Variants in TM7SF2 observed in about 807,000 individuals in gnomAD.
TM7SF2 encodes delta(14)-sterol reductase TM7SF2.
A neutral mutation model predicts 51.0 loss-of-function variants in TM7SF2; 51 were observed. That is an observed-to-expected ratio of 1.00 (90% CI 0.80 to 1.26). The LOEUF (loss-of-function observed/expected upper bound fraction) is 1.26, where lower values mean the gene tolerates loss of function less well. TM7SF2 is among the 50% of genes most tolerant of loss of function. The pLI is 0.00. For synonymous variants in TM7SF2, 255 were observed against 241.0 expected (o/e 1.06, Z -0.54); for missense variants, 541 against 547.4 (o/e 0.99, Z 0.12).
At position 65,115,458 on chromosome 11, in the gene TM7SF2, C is replaced by T. The variant is rs562581292; in HGVS notation, c.974-18C>T. ...GCTGGGCTTCCTGGGAACTCTCCACCCTGCTGTCTTTCCCCAGGGCTTGAG... is the reference window on the plus strand; with the variant it reads ...GCTGGGCTTCCTGGGAACTCTCCACTCTGCTGTCTTTCCCCAGGGCTTGAG... On this transcript the variant is annotated intron_variant, in intron 8 of 9. Transcript: ENST00000279263. The T allele has an allele frequency of 1.9e-6, 3 of 1,614,018 alleles. No individual in the cohort carries two copies. The highest frequency in any genetic ancestry group is 2.7e-5 in the African/African-American group (2 of 74,918).
intron 4 of TM7SF2, 26 bp from the exon 5 acceptor site, chr11:65,113,465 T>C: frequency 1.9e-6 from 3 of 1,614,014 alleles, no homozygotes; most frequent in Non-Finnish European, 2.5e-6. Flanking sequence ...CGTCTGCCTG[T>C]ACATTCACTC....
chr11:65,114,687 A>G, intron 5 of TM7SF2, 26 bp from the exon 6 acceptor site: 2 of 1,610,708 alleles, frequency 1.2e-6, no homozygotes, highest in Non-Finnish European at 1.7e-6. Context: ...TTCTGTGGAG[A>G]CTATTGCCTT....
In TM7SF2 at chr11:65,114,750, A is replaced by G; in HGVS notation, c.641A>G (p.Glu214Gly). ...CTGGCCCTGTTGATGAAGGAGGCAGAGCTTCGAGGCAGTCCCTCACTGGCC... is the reference window on the plus strand; with the variant it reads ...CTGGCCCTGTTGATGAAGGAGGCAGGGCTTCGAGGCAGTCCCTCACTGGCC... The part of the protein sequence containing the change: ...INLALLMKEA[E>G]LRGSPSLAMW... The change falls in exon 6 of 10, where the codon GAG (glutamate) becomes GGG (glycine). Residue 214 changes from glutamate to glycine, a missense_variant. Transcript: ENST00000279263. 1 of 1,614,240 alleles carries G rather than the reference A, an allele frequency of 6.2e-7. No individual in the cohort carries two copies. The highest frequency in any genetic ancestry group is 8.5e-7 in the Non-Finnish European group (1 of 1,180,034).
At chr11:65,112,985 G>A (rs1020694158) in intron 3 of TM7SF2, 120 bp downstream of exon 3, 1 of 1,277,818 alleles carries the variant, frequency 7.8e-7, no homozygotes, top group South Asian at 1.4e-5. Context: ...CCTCTGTTAC[G>A]CCCAGGACAG....
chr11:65,112,190 A>T, intron 1 of TM7SF2, 123 bp downstream of exon 1: 1 of 1,023,380 alleles, frequency 9.8e-7, no homozygotes, highest in Non-Finnish European at 1.4e-6. Context: ...AGGCAGAGGG[A>T]CCCGGGGGTT....
At position 65,111,985 on chromosome 11, in the gene TM7SF2, A is replaced by G. The variant is rs1337487306; in HGVS notation, c.-31A>G. ...AGTGTTTCCTTGACTGACTATTGTG[A>G]GCGCCCTCTCTCTCCGGCGGAGCGG... On this transcript the variant is annotated 5_prime_UTR_variant, in exon 1 of 10. Coordinates refer to ENST00000279263, the MANE Select transcript of TM7SF2 (RefSeq NM_003273.6). 2 of 1,568,310 alleles carry G rather than the reference A, an allele frequency of 1.3e-6. No homozygotes were observed. Among genetic ancestry groups the G allele is most frequent in the Admixed American group, 3.8e-5 (2 of 52,082 alleles).
In TM7SF2 at chr11:65,112,710, A is replaced by G; in HGVS notation, c.248A>G (p.Lys83Arg). ...GCGCTCTACCTACTGCCGGCGCGCA[A>G]GGTGCGGGCCCCGCTCGCGGACGCT... The part of the protein sequence containing the change: ...QAALYLLPAR[K>R]VAEGQELKDK... The change falls in exon 2 of 10, where the codon AAG (lysine) becomes AGG (arginine). Residue 83 changes from lysine to arginine, a missense_variant and splice_region_variant. Transcript: ENST00000279263. 6.5e-7 allele frequency: 1 copy of G among 1,546,404 alleles called. No homozygotes were observed. Among genetic ancestry groups the G allele is most frequent in the Non-Finnish European group, 8.7e-7 (1 of 1,145,778 alleles).
rs769217632 is a variant in TM7SF2, at chr11:65,116,095, C to T, written c.*42C>T. On this transcript the variant is annotated 3_prime_UTR_variant, in exon 10 of 10. Coordinates refer to ENST00000279263, the MANE Select transcript of TM7SF2 (RefSeq NM_003273.6). ...CAGGTGGGGGCATGTGCCCACTCAT[C>T]CACCAGCACACCCAGGACCAGGAGC... The T allele has an allele frequency of 6.9e-6, 11 of 1,584,916 alleles. No homozygotes were observed. In the South Asian group the frequency reaches 1.2e-4, roughly 18 times the overall value.
chr11:65,112,254 C>T lies in TM7SF2; in HGVS notation c.52+187C>T, dbSNP rs975755716. 3 of 680,356 alleles carry T rather than the reference C, an allele frequency of 4.4e-6. No homozygotes were observed. The Admixed American group carries it at 9.4e-5, about 21-fold the overall frequency. The allele number at this position is 680,356 out of a possible 1,614,324, so 42.1% of individuals were successfully genotyped here. On this transcript the variant is annotated intron_variant, in intron 1 of 9. Coordinates refer to ENST00000279263, the MANE Select transcript of TM7SF2 (RefSeq NM_003273.6). ...GCTGAGGAGGGGCCGGTTCTGGGGG[C>T]TGCAGAACGGGGATTTATGGTGTCG...
rs1258155980 is a variant in TM7SF2, at chr11:65,114,908, T to TG, written c.724-4dup. 1 of 1,614,082 alleles carries TG rather than the reference T, an allele frequency of 6.2e-7. No individual in the cohort carries two copies. The highest frequency in any genetic ancestry group is 2.2e-5 in the East Asian group (1 of 44,900). On this transcript the variant is annotated splice_polypyrimidine_tract_variant and splice_region_variant and intron_variant, in intron 6 of 9. Transcript: ENST00000279263. ...AGCCAGTGTGTCTGGGTCTTGTCCC[T>TG]GCAGGAGGCCGTCCTCACCACCATG...
chr11:65,114,921 C>T lies in TM7SF2; in HGVS notation c.732C>T (p.Val244=), dbSNP rs760444560. 16 of 1,614,170 alleles carry T rather than the reference C, an allele frequency of 9.9e-6. No homozygotes were observed. The Middle Eastern group carries it at 4.9e-4, about 50-fold the overall frequency. ...GGGTCTTGTCCCTGCAGGAGGCCGT[C>T]CTCACCACCATGGATATCACACATG... ...VGDALWHEEA[V]LTTMDITHDG... Residue 244 remains valine (V), a synonymous_variant, in exon 7 of 10, where the codon GTC becomes GTT. Transcript: ENST00000279263.
At chr11:65,115,260 A>G (rs1234990367) in intron 7 of TM7SF2, 54 bp from the exon 8 acceptor site, 1 of 1,603,020 alleles carries the variant, frequency 6.2e-7, no homozygotes, top group Middle Eastern at 2.0e-4. Context: ...GTTCGGGGTC[A>G]GGCAGGAGGC....
chr11:65,113,623 A>C, intron 5 of TM7SF2, 29 bp downstream of exon 5: 2 of 1,391,128 alleles, frequency 1.4e-6, no homozygotes, highest in Non-Finnish European at 2.0e-6. Flanking sequence ...AGCTGGCCTC[A>C]GGCCAGGGGG....
intron 5 of TM7SF2, 142 bp downstream of exon 5, chr11:65,113,736 T>C: frequency 1.4e-6 from 1 of 736,948 alleles, no homozygotes; most frequent in Non-Finnish European, 2.3e-6. Flanking sequence ...TCAATCCACC[T>C]GTGCCTAGGT....
In TM7SF2 at chr11:65,115,931, T is replaced by A; in HGVS notation, c.1135T>A (p.Phe379Ile). Residue 379 changes from phenylalanine to isoleucine, a missense_variant, in exon 10 of 10, where the codon TTC becomes ATC. Physicochemically the swap from Phe to Ile is conservative, Grantham distance 21. Coordinates refer to ENST00000279263, the MANE Select transcript of TM7SF2 (RefSeq NM_003273.6). ...GCTGCCCTACTTCTACCTCCTCTACTTCACCGCGCTGCTGGTGCACCGTGA... is the reference window on the plus strand; with the variant it reads ...GCTGCCCTACTTCTACCTCCTCTACATCACCGCGCTGCTGGTGCACCGTGA... ...HLLPYFYLLY[F>I]TALLVHREAR... The A allele has an allele frequency of 6.2e-7, 1 of 1,614,052 alleles. No homozygotes were observed. The highest frequency in any genetic ancestry group is 8.5e-7 in the Non-Finnish European group (1 of 1,180,002).
rs762494844 is a variant in TM7SF2, at chr11:65,112,569, C to G, written c.107C>G (p.Ala36Gly). The change falls in exon 2 of 10, where the codon GCG becomes GGG. Residue 36 changes from alanine to glycine, a missense_variant. By Grantham distance (60) the Ala-to-Gly change is moderately conservative. Coordinates refer to ENST00000279263, the MANE Select transcript of TM7SF2 (RefSeq NM_003273.6). ...LPATMFHLLL[A>G]ARSGPARLLG... ...GCCACCATGTTCCACCTGCTCCTGG[C>G]GGCCCGTTCGGGCCCCGCGCGCCTG... 6.6e-6 allele frequency: 10 copies of G among 1,524,746 alleles called. No homozygotes were observed. Among genetic ancestry groups the G allele is most frequent in the African/African-American group, 4.3e-5 (3 of 69,462 alleles). The allele number at this position is 1,524,746 out of a possible 1,614,324, so 94.5% of individuals were successfully genotyped here.
Position 65,116,110 on chromosome 11 carries a change from G to A in TM7SF2, c.*57G>A. Reference sequence around the variant, plus strand: ...GCCCACTCATCCACCAGCACACCCAGGACCAGGAGCCTCGACACACTTGGG... The same window carrying A: ...GCCCACTCATCCACCAGCACACCCAAGACCAGGAGCCTCGACACACTTGGG... On this transcript the variant is annotated 3_prime_UTR_variant, in exon 10 of 10. Transcript: ENST00000279263. The A allele has an allele frequency of 6.4e-7, 1 of 1,569,814 alleles. No homozygotes were observed. Among genetic ancestry groups the A allele is most frequent in the East Asian group, 2.3e-5 (1 of 43,950 alleles).
intron 5 of TM7SF2, among the ~76,000 whole-genome samples, chr11:65,114,294 G>A (rs1411126826): frequency 8.9e-6 from 1 of 112,732 alleles, no homozygotes; most frequent in Non-Finnish European, 2.0e-5. Flanking sequence ...GCCCAGCACA[G>A]GCTTGCTCCG....
rs374323627 is a variant in TM7SF2 at position 65,114,871 on chromosome 11, G to A, written c.723+39G>A. 1.0e-4 allele frequency: 165 copies of A among 1,614,156 alleles called. No homozygotes were observed. In the African/African-American group the frequency reaches 1.2e-3, roughly 12 times the overall value. Reference sequence around the variant, plus strand: ...GGACGAGGGTGGGTGTCTGAGGGCCGCATAGGGACTAAGCCAGTGTGTCTG... The same window carrying A: ...GGACGAGGGTGGGTGTCTGAGGGCCACATAGGGACTAAGCCAGTGTGTCTG... On this transcript the variant is annotated intron_variant, in intron 6 of 9. Coordinates refer to ENST00000279263, the MANE Select transcript of TM7SF2 (RefSeq NM_003273.6).
Sources: gnomAD v4.1 joint callset for allele counts (sites outside exome capture counted in the v4.1 genomes callset) on GRCh38, gnomAD v4.1.1 for gene constraint, MANE v1.5 for transcripts, NCBI Gene and HGNC (gene_info 2026-07-23, HGNC 2026-07-21) for gene names.